Variants in PCLO observed in about 807,000 individuals in gnomAD.
The protein encoded by PCLO is piccolo presynaptic cytomatrix protein, also known as protein piccolo.
A neutral mutation model predicts 427.5 loss-of-function variants in PCLO; 82 were observed. The ratio of observed to expected loss-of-function variants is 0.19; its 90% CI spans 0.16 to 0.23. The LOEUF (loss-of-function observed/expected upper bound fraction) is 0.23, where lower values mean the gene tolerates loss of function less well. Among genes scored for constraint, PCLO ranks in the 10% least tolerant of loss-of-function variants. PCLO has a pLI of 1.00. For missense variants in PCLO, 6,239 were observed against 6,115.9 expected, an observed-to-expected ratio of 1.02 and a Z score of -0.67; for synonymous variants, 2,357 against 2,155.4, an observed-to-expected ratio of 1.09 and a Z score of -2.59.
chr7:83,099,565 A>G (rs952196724), intron 3 of PCLO, among the ~76,000 whole-genome samples: 5 of 151,398 alleles, frequency 3.3e-5, no homozygotes, highest in African/African-American at 4.9e-5. Context: ...ATTTTTTTGT[A>G]TTTTTAGTAG....
chr7:83,111,318 C>T (rs112375174), intron 3 of PCLO, among the ~76,000 whole-genome samples: 3 of 152,174 alleles, frequency 2.0e-5, no homozygotes, highest in African/African-American at 7.2e-5. Context: ...TGGGTGGAAA[C>T]TGTAAATATT....
At chr7:82,771,579 C>A (rs1790648012) in intron 22 of PCLO, among the ~76,000 whole-genome samples, 1 of 151,892 alleles carries the variant, frequency 6.6e-6, no homozygotes, top group Admixed American at 6.6e-5. Flanking sequence ...TTTTAGCAAC[C>A]ATTTTAAATA....
At chr7:83,127,864 T>C (rs777138217) in intron 3 of PCLO, among the ~76,000 whole-genome samples, 1 of 152,070 alleles carries the variant, frequency 6.6e-6, no homozygotes, top group South Asian at 2.1e-4. Flanking sequence ...TACTAATGAT[T>C]AGCAGGACCT....
intron 3 of PCLO, among the ~76,000 whole-genome samples, chr7:83,107,490 T>TAA (rs10645790): frequency 0.56 from 84,798 of 151,508 alleles, 25,203 homozygotes; most frequent in African/African-American, 0.76. Context: ...AAATATCTAT[T>TAA]GTCAATTATT....
intron 3 of PCLO, among the ~76,000 whole-genome samples, chr7:83,091,207 A>T (rs1403136450): frequency 6.6e-6 from 1 of 152,192 alleles, no homozygotes; most frequent in Non-Finnish European, 1.5e-5. Flanking sequence ...GAATTCAAAA[A>T]AAAGAATAAA....
At chr7:82,813,292 G>T (rs1405721191) in intron 20 of PCLO, among the ~76,000 whole-genome samples, 5 of 151,514 alleles carry the variant, frequency 3.3e-5, no homozygotes, top group African/African-American at 1.2e-4. Flanking sequence ...TTATATTAAT[G>T]ATCTATTAAT....
At chr7:82,875,190 C>G (rs747962505) in intron 10 of PCLO, among the ~76,000 whole-genome samples, 2 of 152,048 alleles carry the variant, frequency 1.3e-5, no homozygotes, top group Non-Finnish European at 2.9e-5. Context: ...TCTCTGAGTT[C>G]TTTCAGGAAA....
chr7:82,833,154 C>T (rs1562807574), intron 16 of PCLO, among the ~76,000 whole-genome samples: 1 of 152,108 alleles, frequency 6.6e-6, no homozygotes. Context: ...ATTGTAAATA[C>T]ACACACCACC....
intron 3 of PCLO, among the ~76,000 whole-genome samples, chr7:83,130,866 C>A (rs1383796064): frequency 2.0e-5 from 3 of 152,176 alleles, no homozygotes; most frequent in Admixed American, 6.5e-5. Flanking sequence ...AGGCCATGCA[C>A]AATCATCTTG....
At chr7:82,914,298 T>C (rs1794391562) in intron 7 of PCLO, 2 of 428,400 alleles carry the variant, frequency 4.7e-6, no homozygotes, top group East Asian at 3.6e-5. Context: ...TTTCAGAAAC[T>C]GAAACTGACC....
At chr7:83,020,400 G>C (rs1788313010) in intron 3 of PCLO, among the ~76,000 whole-genome samples, 1 of 111,436 alleles carries the variant, frequency 9.0e-6, no homozygotes, top group Admixed American at 7.7e-5. Context: ...GTAGTAGTAA[G>C]AGGGGGGGCC....
At position 83,123,215 on chromosome 7, in the gene PCLO, T is replaced by C. The variant is rs779238104; in HGVS notation, c.3300+11035A>G. On this transcript the variant is annotated intron_variant, in intron 3 of 24. Transcript: ENST00000333891. ...AACTGGAAGACTCACATTACCTGAC[T>C]TTAAATTATACTACAGTGCTGTAGT... Among the ~76,000 whole-genome samples, 39 of 152,144 alleles carry C rather than the reference T, an allele frequency of 2.6e-4. 2 individuals carry two copies. Among genetic ancestry groups the C allele is most frequent in the Admixed American group, 6.5e-5 (1 of 15,270 alleles).
intron 10 of PCLO, among the ~76,000 whole-genome samples, chr7:82,864,176 G>A (rs1272322962): frequency 6.6e-6 from 1 of 152,058 alleles, no homozygotes; most frequent in Non-Finnish European, 1.5e-5. Context: ...TATCTTAGAT[G>A]TAAGTGCATA....
intron 7 of PCLO, among the ~76,000 whole-genome samples, chr7:82,913,666 T>G (rs572877897): frequency 1.2e-4 from 18 of 152,186 alleles, no homozygotes; most frequent in Admixed American, 9.8e-4. Context: ...GACTAGATAA[T>G]TTTCAAAAAT....
intron 3 of PCLO, among the ~76,000 whole-genome samples, chr7:82,991,078 T>C (rs1796365423): frequency 6.6e-6 from 1 of 152,162 alleles, no homozygotes; most frequent in Admixed American, 6.6e-5. Flanking sequence ...ATGTTATTCA[T>C]AAAAATAACT....
intron 3 of PCLO, among the ~76,000 whole-genome samples, chr7:83,092,916 C>T (rs1461878084): frequency 2.1e-5 from 3 of 139,556 alleles, no homozygotes; most frequent in Non-Finnish European, 4.5e-5. Context: ...CACTGCACTC[C>T]AGCCTGGGTG....
chr7:82,820,213 G>C (rs1215473411), intron 20 of PCLO, among the ~76,000 whole-genome samples: 1 of 152,170 alleles, frequency 6.6e-6, no homozygotes, highest in African/African-American at 2.4e-5. Context: ...AGAAATAGCA[G>C]AAGTGTTGCC....
At chr7:82,892,339 T>A (rs1460552246) in intron 9 of PCLO, among the ~76,000 whole-genome samples, 1 of 152,148 alleles carries the variant, frequency 6.6e-6, no homozygotes, top group African/African-American at 2.4e-5. Context: ...GGATTCCCTA[T>A]TTAATAAATA....
At chr7:83,151,778 T>C (rs932349734) in intron 2 of PCLO, among the ~76,000 whole-genome samples, 4 of 152,188 alleles carry the variant, frequency 2.6e-5, no homozygotes, top group African/African-American at 9.7e-5. Flanking sequence ...TGATTTGGAA[T>C]CGGAATGATT....
Sources: allele counts gnomAD v4.1 joint callset (sites outside exome capture counted in the v4.1 genomes callset), GRCh38; gene constraint gnomAD v4.1.1; transcripts MANE v1.5; gene names NCBI Gene and HGNC (gene_info 2026-07-23, HGNC 2026-07-21).